Variants in CECR2 observed in about 807,000 individuals in gnomAD.
CECR2 encodes CECR2 histone acetyl-lysine reader, also known as chromatin remodeling regulator CECR2.
Under a neutral mutation model 154.5 loss-of-function variants are expected in CECR2, and 30 were observed. That is an observed-to-expected ratio of 0.19 (90% CI 0.15 to 0.26). The LOEUF (loss-of-function observed/expected upper bound fraction) is 0.26, where lower values mean the gene tolerates loss of function less well. Among genes scored for constraint, CECR2 ranks in the 10% least tolerant of loss-of-function variants. The probability of loss-of-function intolerance (pLI) is 1.00; values close to 1 mark genes in which losing one functional copy is unlikely to be tolerated. For synonymous variants in CECR2, 725 were observed against 683.7 expected (o/e 1.06, Z -0.94); for missense variants, 1,743 against 1,829.3 (o/e 0.95, Z 0.86).
intron 7 of CECR2, among the ~76,000 whole-genome samples, chr22:17,505,449 A>C (rs2055822580): frequency 6.6e-6 from 1 of 151,378 alleles, no homozygotes; most frequent in Non-Finnish European, 1.5e-5. Context: ...AGGGCAAGCT[A>C]TAGTCTCATA....
At position 17,541,732 on chromosome 22, in the gene CECR2, G is replaced by A. The variant is rs544714143; in HGVS notation, c.1885-107G>A. 2.3e-4 allele frequency: 311 copies of A among 1,366,546 alleles called. 1 individual carries two copies. Among genetic ancestry groups the A allele is most frequent in the African/African-American group, 1.5e-3 (103 of 69,256 alleles). The allele number at this position is 1,366,546 out of a possible 1,614,324, so 84.7% of individuals were successfully genotyped here. A position where few individuals can be genotyped will look rare whatever the true frequency, so the allele number is the denominator to read the frequency against. ...CCCTGTCTCCAGCCGAGGTTTAGTC[G>A]TCTGTTTTATTTTAGTAGAACGTTC... On this transcript the variant is annotated intron_variant, in intron 14 of 18. Transcript: ENST00000262608.
rs371511090 is a variant in CECR2, at chr22:17,552,877, G to A, written c.*37G>A. ...AATGAGCCCCAAGCAATGGAAAGCT[G>A]CACACGAAGACTGGAATGTGGAGAA... On this transcript the variant is annotated 3_prime_UTR_variant, in exon 19 of 19. Transcript: ENST00000262608. 280 of 1,541,904 alleles carry A rather than the reference G, an allele frequency of 1.8e-4. 5 individuals are homozygous for A. In the South Asian group the frequency reaches 3.0e-3, roughly 17 times the overall value.
At chr22:17,510,889 G>A (rs562284919) in intron 7 of CECR2, among the ~76,000 whole-genome samples, 67 of 152,300 alleles carry the variant, frequency 4.4e-4, no homozygotes, top group East Asian at 1.9e-3. Context: ...ACAGGCGTGA[G>A]CCACCCCACC....
chr22:17,555,979 T>G lies in CECR2; in HGVS notation c.*3139T>G, dbSNP rs1437538727. 1 of 152,208 alleles carries G rather than the reference T, an allele frequency of 6.6e-6. No individual in the cohort carries two copies. The highest frequency in any genetic ancestry group is 1.5e-5 in the Non-Finnish European group (1 of 68,038). The allele number at this position is 152,208 out of a possible 1,614,324, so 9.4% of individuals were successfully genotyped here. ...TTCTTGGGAGGATTCTGGGTTTGTT[T>G]TCCCCTCAGAATTAAAAAATAGTTT... is the stretch of plus-strand genomic sequence containing the variant. On this transcript the variant is annotated 3_prime_UTR_variant, in exon 19 of 19. Transcript: ENST00000262608.
chr22:17,451,430 C>T (rs557863699), intron 1 of CECR2, among the ~76,000 whole-genome samples: 1 of 152,140 alleles, frequency 6.6e-6, no homozygotes, highest in Non-Finnish European at 1.5e-5. Context: ...CAAGCAGTTT[C>T]GAGATGAATG....
intron 1 of CECR2, among the ~76,000 whole-genome samples, chr22:17,460,873 C>G (rs114801481): frequency 6.6e-5 from 10 of 152,266 alleles, no homozygotes; most frequent in African/African-American, 2.2e-4. Context: ...TCTTTATTTT[C>G]TTGCCTAGGA....
intron 1 of CECR2, chr22:17,477,059 G>C: frequency 1.4e-6 from 1 of 712,150 alleles, no homozygotes; most frequent in Admixed American, 2.0e-5. Flanking sequence ...ATGTAGGTGT[G>C]GCATCCCAAA....
At chr22:17,370,891 T>C (rs576707875) in intron 1 of CECR2, among the ~76,000 whole-genome samples, 1 of 152,208 alleles carries the variant, frequency 6.6e-6, no homozygotes, top group Non-Finnish European at 1.5e-5. Flanking sequence ...TATGGCAATA[T>C]GTGTCGTGAC....
intron 2 of CECR2, among the ~76,000 whole-genome samples, chr22:17,492,994 C>T (rs2055557943): frequency 6.6e-6 from 1 of 151,380 alleles, no homozygotes; most frequent in South Asian, 2.1e-4. Context: ...ATTTTTGAGA[C>T]AGAGTCTGGC....
chr22:17,364,236 C>T (rs12160090), intron 1 of CECR2, among the ~76,000 whole-genome samples: 2,477 of 148,708 alleles, frequency 0.017, 86 homozygotes, highest in African/African-American at 0.058. Flanking sequence ...CCAGCTACTC[C>T]GGAGGCTGAG....
intron 1 of CECR2, among the ~76,000 whole-genome samples, chr22:17,438,680 A>G (rs540084942): frequency 1.7e-3 from 263 of 151,080 alleles, no homozygotes; most frequent in African/African-American, 6.1e-3. Flanking sequence ...AGCATATTTT[A>G]TGTGTGGCCC....
At chr22:17,474,971 T>C (rs114980274) in intron 1 of CECR2, among the ~76,000 whole-genome samples, 428 of 152,266 alleles carry the variant, frequency 2.8e-3, no homozygotes, top group African/African-American at 9.7e-3. Context: ...CTTAAAAAAA[T>C]CTTAGGAGAA....
intron 1 of CECR2, among the ~76,000 whole-genome samples, chr22:17,475,661 A>G (rs2055196528): frequency 6.6e-6 from 1 of 152,118 alleles, no homozygotes; most frequent in Admixed American, 6.5e-5. Flanking sequence ...GCTCTAGCTG[A>G]TTCTGACTTA....
intron 1 of CECR2, among the ~76,000 whole-genome samples, chr22:17,426,214 A>T (rs2054326935): frequency 6.6e-6 from 1 of 152,242 alleles, no homozygotes; most frequent in African/African-American, 2.4e-5. Flanking sequence ...ACAATACATT[A>T]TCACACAAAA....
At chr22:17,539,403 G>A (rs978621186) in intron 13 of CECR2, among the ~76,000 whole-genome samples, 5 of 152,320 alleles carry the variant, frequency 3.3e-5, no homozygotes, top group African/African-American at 1.2e-4. Flanking sequence ...CGAGGGGACT[G>A]ACCCTACATA....
chr22:17,545,590 A>AT (rs2056601370), intron 16 of CECR2, among the ~76,000 whole-genome samples: 1 of 152,004 alleles, frequency 6.6e-6, no homozygotes, highest in African/African-American at 2.4e-5. Flanking sequence ...CACATCTGTA[A>AT]TTGCAGCACT....
intron 1 of CECR2, among the ~76,000 whole-genome samples, chr22:17,396,386 A>G (rs1332438865): frequency 1.3e-5 from 2 of 152,168 alleles, no homozygotes; most frequent in Non-Finnish European, 2.9e-5. Context: ...CTCTACTACG[A>G]AATACAAAAA....
At chr22:17,480,601 G>A (rs558953431) in intron 2 of CECR2, among the ~76,000 whole-genome samples, 50 of 152,220 alleles carry the variant, frequency 3.3e-4, no homozygotes, top group African/African-American at 1.2e-3. Flanking sequence ...CTAAAATGAT[G>A]GTTCCACATG....
intron 1 of CECR2, among the ~76,000 whole-genome samples, chr22:17,438,512 C>T (rs2054538596): frequency 1.3e-5 from 2 of 152,174 alleles, no homozygotes; most frequent in South Asian, 4.1e-4. Context: ...AAATGTTTTC[C>T]CATAAGGCAA....
Sources: allele counts gnomAD v4.1 joint callset (sites outside exome capture counted in the v4.1 genomes callset), GRCh38; gene constraint gnomAD v4.1.1; transcripts MANE v1.5; gene names NCBI Gene and HGNC (gene_info 2026-07-23, HGNC 2026-07-21).